Variants in XPA observed in about 807,000 individuals in gnomAD.
XPA encodes the protein XPA, DNA damage recognition and repair factor.
In XPA, 27 loss-of-function variants were observed where a neutral mutation model predicts 35.7. The ratio of observed to expected loss-of-function variants is 0.76; its 90% CI spans 0.56 to 1.04. The LOEUF (loss-of-function observed/expected upper bound fraction) is 1.04. XPA is among the 50% of genes least tolerant of loss of function. The probability of loss-of-function intolerance (pLI) is 0.00; values close to 1 mark genes in which losing one functional copy is unlikely to be tolerated. For missense variants in XPA, 354 were observed against 342.7 expected (o/e 1.03, Z -0.26); for synonymous variants, 133 against 118.4 (o/e 1.12, Z -0.80).
intron 5 of XPA, among the ~76,000 whole-genome samples, chr9:97,684,189 A>G (rs1828634521): frequency 6.6e-6 from 1 of 152,194 alleles, no homozygotes; most frequent in Admixed American, 6.5e-5. Flanking sequence ...TGACTCCAGA[A>G]TTTATGTTAG....
At chr9:97,678,008 G>A (rs1335380681) in intron 5 of XPA, among the ~76,000 whole-genome samples, 1 of 152,166 alleles carries the variant, frequency 6.6e-6, no homozygotes, top group East Asian at 1.9e-4. Flanking sequence ...AAAACTGGAT[G>A]TATCAGTGTA....
At chr9:97,657,906 C>CTATA in the XPA span, among the ~76,000 whole-genome samples, 6 of 127,504 alleles carry the variant, frequency 4.7e-5, no homozygotes, top group Non-Finnish European at 9.5e-5. Context: ...CTCTCTCTCT[C>CTATA]TATATATATA....
chr9:97,658,683 T>G, the XPA span: 1 of 1,613,582 alleles, frequency 6.2e-7, no homozygotes, highest in Non-Finnish European at 8.5e-7. Context: ...TCCTCCTACC[T>G]TCTCAGCTCT....
chr9:97,676,398 A>G (rs1828365543), intron 5 of XPA, among the ~76,000 whole-genome samples: 1 of 152,244 alleles, frequency 6.6e-6, no homozygotes, highest in South Asian at 2.1e-4. Flanking sequence ...ATATTTTAAT[A>G]AAAAGCAACA....
chr9:97,678,106 AATG>A (rs1277938212), intron 5 of XPA, among the ~76,000 whole-genome samples: 2 of 152,334 alleles, frequency 1.3e-5, no homozygotes, highest in South Asian at 2.1e-4. Context: ...GTGCTCAAGA[AATG>A]ATGACATAAG....
intron 5 of XPA, among the ~76,000 whole-genome samples, chr9:97,676,263 T>A (rs1828362752): frequency 6.6e-6 from 1 of 152,330 alleles, no homozygotes; most frequent in South Asian, 2.1e-4. Flanking sequence ...TGAGCAAAGA[T>A]AGTTTAACTG....
chr9:97,667,232 C>G, the XPA span, among the ~76,000 whole-genome samples: 1 of 152,172 alleles, frequency 6.6e-6, no homozygotes, highest in Non-Finnish European at 1.5e-5. Flanking sequence ...ACTATAGATA[C>G]TTAACACTTT....
intron 5 of XPA, among the ~76,000 whole-genome samples, chr9:97,676,667 C>T (rs148459149): frequency 1.5e-3 from 234 of 152,302 alleles, no homozygotes; most frequent in Non-Finnish European, 2.8e-3. Flanking sequence ...ACTTTAAATG[C>T]ATTTAATCCT....
chr9:97,684,356 A>T lies in XPA; in HGVS notation c.673+567T>A, dbSNP rs566853818. Reference sequence around the variant, plus strand: ...GATAGATGGACAAGGGAATGCATGCAAAGACAGATGCATGGATAGAGAAAT... The same window carrying T: ...GATAGATGGACAAGGGAATGCATGCTAAGACAGATGCATGGATAGAGAAAT... On this transcript the variant is annotated intron_variant, in intron 5 of 5. Coordinates refer to ENST00000375128, the MANE Select transcript of XPA (RefSeq NM_000380.4). Among the ~76,000 whole-genome samples the T allele has an allele frequency of 5.3e-5, 8 of 152,364 alleles. No individual in the cohort carries two copies. In the South Asian group the frequency reaches 1.4e-3, roughly 28 times the overall value.
At chr9:97,692,217 G>A (rs1828915245) in intron 2 of XPA, among the ~76,000 whole-genome samples, 2 of 151,820 alleles carry the variant, frequency 1.3e-5, no homozygotes, top group South Asian at 4.2e-4. Context: ...CTTGAACCCA[G>A]GAGGCAGAGG....
the XPA span, chr9:97,664,594 T>C: frequency 3.6e-6 from 2 of 549,122 alleles, no homozygotes; most frequent in Non-Finnish European, 6.5e-6. Context: ...CAAAAATTCC[T>C]AGACAGTGGA....
chr9:97,657,885 G>GCGCTCT, the XPA span, among the ~76,000 whole-genome samples: 40 of 113,992 alleles, frequency 3.5e-4, no homozygotes, highest in African/African-American at 1.4e-3. Context: ...GCCCCGGTAA[G>GCGCTCT]CTCTCTCTCT....
chr9:97,697,283 C>T lies in XPA; in HGVS notation c.10G>A (p.Ala4Thr). MAA[A>T]DGALPEAAAL... ...GCCGCCTCCGGCAAAGCCCCGTCGGCCGCCGCCATCTCTGGCCCACTCCGA... is the reference window on the plus strand; with the variant it reads ...GCCGCCTCCGGCAAAGCCCCGTCGGTCGCCGCCATCTCTGGCCCACTCCGA... The change falls in exon 1 of 6, where the codon GCC (alanine) becomes ACC (threonine). Residue 4 changes from alanine (A) to threonine (T), a missense_variant. By Grantham distance (58) the Ala-to-Thr change is moderately conservative. Coordinates refer to ENST00000375128, the MANE Select transcript of XPA (RefSeq NM_000380.4). 1 of 1,598,512 alleles carries T rather than the reference C, an allele frequency of 6.3e-7. No individual in the cohort carries two copies. Among genetic ancestry groups the T allele is most frequent in the Non-Finnish European group, 8.5e-7 (1 of 1,179,198 alleles).
At chr9:97,681,125 T>G (rs1018215979) in intron 5 of XPA, among the ~76,000 whole-genome samples, 2 of 152,196 alleles carry the variant, frequency 1.3e-5, no homozygotes, top group Non-Finnish European at 2.9e-5. Flanking sequence ...AATCTAAAAC[T>G]TGTATTCAGT....
chr9:97,654,918 C>T, the XPA span: 1 of 1,611,206 alleles, frequency 6.2e-7, no homozygotes, highest in Non-Finnish European at 8.5e-7. Context: ...TGCGTTTGGA[C>T]ACAATGAACA....
At chr9:97,693,380 G>A (rs1458591922) in intron 2 of XPA, among the ~76,000 whole-genome samples, 1 of 152,020 alleles carries the variant, frequency 6.6e-6, no homozygotes, top group Non-Finnish European at 1.5e-5. Flanking sequence ...TCAATATACT[G>A]GCTAACCCTG....
chr9:97,673,151 A>G (rs1008248168), downstream of XPA: 4 of 152,200 alleles, frequency 2.6e-5, no homozygotes, highest in African/African-American at 9.7e-5. Flanking sequence ...AATATATAGC[A>G]TATAACATAC....
chr9:97,661,206 C>A, the XPA span: 1 of 957,574 alleles, frequency 1.0e-6, no homozygotes, highest in Admixed American at 3.0e-5. Flanking sequence ...TTCTTAGCAC[C>A]CCAGGTATTT....
At chr9:97,689,769 G>A in intron 2 of XPA, 130 bp from the exon 3 acceptor site, 2 of 537,034 alleles carry the variant, frequency 3.7e-6, no homozygotes, top group South Asian at 5.9e-5. Flanking sequence ...GACAAAATAA[G>A]ACCTTATGTT....
Sources: gnomAD v4.1 joint callset for allele counts (sites outside exome capture counted in the v4.1 genomes callset) on GRCh38, gnomAD v4.1.1 for gene constraint, MANE v1.5 for transcripts, NCBI Gene and HGNC (gene_info 2026-07-23, HGNC 2026-07-21) for gene names.